Variants in GRIK4 observed in about 807,000 individuals in gnomAD.
The protein encoded by GRIK4 is glutamate ionotropic receptor kainate type subunit 4.
A neutral mutation model predicts 104.9 loss-of-function variants in GRIK4; 40 were observed. The ratio of observed to expected loss-of-function variants is 0.38; its 90% CI spans 0.30 to 0.50. The LOEUF is 0.50. Among genes scored for constraint, GRIK4 ranks in the 20% least tolerant of loss-of-function variants. The pLI is 0.93. For synonymous variants in GRIK4, 485 were observed against 524.9 expected, an observed-to-expected ratio of 0.92 and a Z score of 1.04; for missense variants, 1,047 against 1,308.1, an observed-to-expected ratio of 0.80 and a Z score of 3.08.
intron 8 of GRIK4, among the ~76,000 whole-genome samples, chr11:120,843,459 G>T (rs1452002797): frequency 6.6e-6 from 1 of 152,260 alleles, no homozygotes; most frequent in Non-Finnish European, 1.5e-5. Flanking sequence ...TGGACTAGCA[G>T]TGAAGCAGCT....
intron 3 of GRIK4, among the ~76,000 whole-genome samples, chr11:120,708,750 C>T (rs1416210532): frequency 6.6e-6 from 1 of 152,228 alleles, no homozygotes; most frequent in Non-Finnish European, 1.5e-5. Context: ...TGATACTCTG[C>T]TCTCAGGCTG....
At position 120,939,330 on chromosome 11, in the gene GRIK4, G is replaced by GAA. The variant is rs1272839058; in HGVS notation, c.1477-1015_1477-1014dup. ...TTGAGGTACAGTTTGGAGGCAAGGG[G>GAA]AAAGGAAGGAAGCCTTTATTGAACA... On this transcript the variant is annotated intron_variant, in intron 13 of 20. Transcript: ENST00000527524. This position sits in a 1 kb window ranked among gnomAD's most constrained non-coding sequence, Gnocchi z 5.6. 6.6e-6 allele frequency among the ~76,000 whole-genome samples: 1 copy of GAA among 152,202 alleles called. No homozygotes were observed. Among genetic ancestry groups the GAA allele is most frequent in the Non-Finnish European group, 1.5e-5 (1 of 68,034 alleles).
chr11:120,683,116 AAC>A (rs1950223589), intron 3 of GRIK4, among the ~76,000 whole-genome samples: 2 of 152,246 alleles, frequency 1.3e-5, no homozygotes, highest in Middle Eastern at 3.4e-3. Flanking sequence ...AGCATTGACT[AAC>A]ACAGAGTGGA....
In GRIK4 at chr11:120,949,619, G is replaced by A. The variant is rs374237660; in HGVS notation, c.1591-3236G>A. 4.6e-5 allele frequency among the ~76,000 whole-genome samples: 7 copies of A among 152,332 alleles called. 1 individual carries two copies. Among genetic ancestry groups the A allele is most frequent in the African/African-American group, 1.7e-4 (7 of 41,590 alleles). On this transcript the variant is annotated intron_variant, in intron 14 of 20. Transcript: ENST00000527524. The stretch of plus-strand genomic sequence containing the variant: ...GTTTAAGAGTACTCTAAGGGGGTGT[G>A]TAGGTTGAGAGTTTGCTGGCATTGG...
intron 3 of GRIK4, among the ~76,000 whole-genome samples, chr11:120,781,655 T>C (rs935162064): frequency 2.6e-5 from 4 of 152,146 alleles, no homozygotes; most frequent in Non-Finnish European, 5.9e-5. Context: ...CCCTGCCCTG[T>C]CTGTGTCTTC....
chr11:120,665,265 G>A (rs1463938911), intron 3 of GRIK4, among the ~76,000 whole-genome samples: 4 of 151,482 alleles, frequency 2.6e-5, no homozygotes, highest in Non-Finnish European at 5.9e-5. Flanking sequence ...TTGAGCAGTG[G>A]GCTCCTCTGA....
chr11:120,712,386 G>A (rs1035080267), intron 3 of GRIK4, among the ~76,000 whole-genome samples: 2 of 152,206 alleles, frequency 1.3e-5, no homozygotes, highest in African/African-American at 4.8e-5. Flanking sequence ...AAGGCAGTCT[G>A]TAACCATTTT....
intron 13 of GRIK4, among the ~76,000 whole-genome samples, chr11:120,906,211 A>G (rs1246607017): frequency 1.3e-5 from 2 of 152,220 alleles, no homozygotes; most frequent in Non-Finnish European, 2.9e-5. Flanking sequence ...GTAAAAATTA[A>G]TTAAGTCATT....
intron 1 of GRIK4, among the ~76,000 whole-genome samples, chr11:120,600,218 G>A (rs111268093): frequency 1.1e-3 from 166 of 152,244 alleles, no homozygotes; most frequent in African/African-American, 3.8e-3. Flanking sequence ...CTCCCACAGC[G>A]GGAGGGTACC....
intron 1 of GRIK4, among the ~76,000 whole-genome samples, chr11:120,583,562 T>C (rs919011598): frequency 6.6e-6 from 1 of 151,982 alleles, no homozygotes; most frequent in Non-Finnish European, 1.5e-5. Flanking sequence ...TTCTGTTCCA[T>C]TGGTCTATGT....
chr11:120,869,726 C>T lies in GRIK4; in HGVS notation c.907-4340C>T, dbSNP rs1017115996. 7.2e-5 allele frequency: 11 copies of T among 152,668 alleles called. 1 individual carries two copies. The highest frequency in any genetic ancestry group is 1.9e-4 in the African/African-American group (8 of 41,400). 9.5% of individuals were successfully genotyped at this position (152,668 alleles called of 1,614,324 possible). On this transcript the variant is annotated intron_variant, in intron 9 of 20. Coordinates refer to ENST00000527524, the MANE Select transcript of GRIK4 (RefSeq NM_014619.5). ...GATGACGGTCTCTTGGGGACCAGCA[C>T]ACAGCCTCACTGGAGGAAGAGGGGG...
Position 120,745,328 on chromosome 11 carries a change from A to G in GRIK4, c.83-57365A>G, listed in dbSNP as rs552837583. ...TTTTTCTATTTATACTAAATCTATA[A>G]ATTTTTTTTTCTCTCCAAAGAATGG... is the stretch of plus-strand genomic sequence containing the variant. On this transcript the variant is annotated intron_variant, in intron 3 of 20. Coordinates refer to ENST00000527524, the MANE Select transcript of GRIK4 (RefSeq NM_014619.5). 2.2e-4 allele frequency among the ~76,000 whole-genome samples: 33 copies of G among 152,250 alleles called. 1 individual carries two copies. The highest frequency in any genetic ancestry group is 7.0e-4 in the African/African-American group (29 of 41,552).
At chr11:120,616,997 C>T (rs1266106445) in intron 1 of GRIK4, among the ~76,000 whole-genome samples, 1 of 152,110 alleles carries the variant, frequency 6.6e-6, no homozygotes. Context: ...TCCAGGATGG[C>T]AGTGGACAGG....
chr11:120,731,898 A>G lies in GRIK4; in HGVS notation c.83-70795A>G, dbSNP rs528892932. On this transcript the variant is annotated intron_variant, in intron 3 of 20. Coordinates refer to ENST00000527524, the MANE Select transcript of GRIK4 (RefSeq NM_014619.5). ...TTGAATTTCTGCAGTGTCAGTTGTA[A>G]TGTCTCCTTTTTCACCTCTGATTTG... Among the ~76,000 whole-genome samples, 3 of 152,004 alleles carry G rather than the reference A, an allele frequency of 2.0e-5. No homozygotes were observed. The South Asian group carries it at 6.2e-4, about 32-fold the overall frequency.
At chr11:120,828,068 C>T (rs993212872) in intron 6 of GRIK4, among the ~76,000 whole-genome samples, 1 of 152,098 alleles carries the variant, frequency 6.6e-6, no homozygotes, top group Admixed American at 6.5e-5. Context: ...AGTGACATGG[C>T]GACGGTTCCT....
intron 3 of GRIK4, among the ~76,000 whole-genome samples, chr11:120,680,567 G>A (rs1950175242): frequency 6.6e-6 from 1 of 152,140 alleles, no homozygotes; most frequent in African/African-American, 2.4e-5. Context: ...CTCCATAGTA[G>A]GTGTTCAGTA....
At chr11:120,832,847 G>A (rs901061253) in intron 7 of GRIK4, among the ~76,000 whole-genome samples, 4 of 152,222 alleles carry the variant, frequency 2.6e-5, no homozygotes, top group African/African-American at 7.2e-5. Flanking sequence ...GTCACCTGAC[G>A]TCAGTTCCTG....
At chr11:120,916,344 G>A (rs939124219) in intron 13 of GRIK4, among the ~76,000 whole-genome samples, 1 of 152,244 alleles carries the variant, frequency 6.6e-6, no homozygotes, top group African/African-American at 2.4e-5. Context: ...GATAAGTGCT[G>A]TATTAGACAT....
Position 120,663,396 on chromosome 11 carries a change from A to T in GRIK4, c.82+2996A>T, listed in dbSNP as rs76461908. On this transcript the variant is annotated intron_variant, in intron 3 of 20. Transcript: ENST00000527524. ...GGTGGCAGCTGACACTGGTGCTGGT[A>T]TCCTTGACTCCTCTTCCAGTGCTCT... Among the ~76,000 whole-genome samples, 1,117 of 152,306 alleles carry T rather than the reference A, an allele frequency of 7.3e-3. 17 individuals are homozygous for T. Among genetic ancestry groups the T allele is most frequent in the African/African-American group, 0.025 (1,031 of 41,570 alleles).
Sources: allele counts gnomAD v4.1 joint callset (sites outside exome capture counted in the v4.1 genomes callset), GRCh38; gene constraint gnomAD v4.1.1; non-coding constraint Gnocchi (gnomAD v3.1); transcripts MANE v1.5; gene names NCBI Gene and HGNC (gene_info 2026-07-23, HGNC 2026-07-21).